SMC6: variants seen among roughly 807,000 people sequenced by gnomAD.
The protein encoded by SMC6 is structural maintenance of chromosomes protein 6.
SMC6 carries 79 observed loss-of-function variants against 142.2 expected under a neutral mutation model. The observed-to-expected ratio is 0.56, with a 90% CI of 0.46 to 0.67. SMC6 has a LOEUF of 0.67. SMC6 is among the 30% of genes least tolerant of loss of function. The pLI, the probability that SMC6 is intolerant of heterozygous loss-of-function variation, is 0.00. For synonymous variants in SMC6, 411 were observed against 412.4 expected (o/e 1.00, Z 0.04); for missense variants, 1,072 against 1,284.0 (o/e 0.83, Z 2.52).
intron 19 of SMC6, among the ~76,000 whole-genome samples, chr2:17,702,555 A>G (rs1668316631): frequency 6.6e-6 from 1 of 152,128 alleles, no homozygotes; most frequent in African/African-American, 2.4e-5. Context: ...TCTGTTAACT[A>G]AGTTTATTAC....
chr2:17,683,652 A>G lies in SMC6; in HGVS notation c.2790T>C (p.Tyr930=). Residue 930 remains tyrosine, a synonymous_variant, in exon 24 of 28, where the codon TAT becomes TAC. Transcript: ENST00000448223. ...GEIMEHRFKT[Y]QQFRRCLTLR... ...AATGTACTTACCTTCTAAATTGTTG[A>G]TATGTCTTGAATCTGTGCTCCATGA... The G allele has an allele frequency of 6.8e-6, 11 of 1,610,794 alleles. No homozygotes were observed. The highest frequency in any genetic ancestry group is 1.7e-4 in the Middle Eastern group (1 of 6,036).
At chr2:17,706,497 A>G (rs959277097) in intron 18 of SMC6, among the ~76,000 whole-genome samples, 1 of 145,852 alleles carries the variant, frequency 6.9e-6, no homozygotes, top group Non-Finnish European at 1.5e-5. Flanking sequence ...CTACACATAC[A>G]AGTCATTTAT....
chr2:17,707,434 G>A, intron 17 of SMC6, 55 bp from the exon 18 acceptor site: 2 of 1,208,348 alleles, frequency 1.7e-6, no homozygotes, highest in South Asian at 2.5e-5. Context: ...TTTTTCTGAT[G>A]TACAGAATTT....
chr2:17,674,509 A>G (rs1666915596), intron 25 of SMC6, among the ~76,000 whole-genome samples: 1 of 151,956 alleles, frequency 6.6e-6, no homozygotes, highest in Non-Finnish European at 1.5e-5. Flanking sequence ...AACAATATAC[A>G]CTCTGTGGTA....
intron 25 of SMC6, among the ~76,000 whole-genome samples, chr2:17,671,595 C>A (rs180912627): frequency 1.9e-5 from 2 of 103,042 alleles, no homozygotes; most frequent in African/African-American, 8.3e-5. Flanking sequence ...GTCGACAGAG[C>A]GAGACCCCGT....
intron 25 of SMC6, among the ~76,000 whole-genome samples, chr2:17,672,164 C>T (rs1666790589): frequency 6.6e-6 from 1 of 152,166 alleles, no homozygotes; most frequent in Non-Finnish European, 1.5e-5. Flanking sequence ...ATCTTGCCCC[C>T]ACACTGTATT....
chr2:17,698,595 T>C (rs1415326621), intron 21 of SMC6, among the ~76,000 whole-genome samples: 5 of 152,108 alleles, frequency 3.3e-5, no homozygotes, highest in Non-Finnish European at 5.9e-5. Flanking sequence ...CCTTTTACTT[T>C]CAACCTGCCT....
chr2:17,722,461 A>C (rs1669419041), intron 9 of SMC6, among the ~76,000 whole-genome samples: 1 of 152,032 alleles, frequency 6.6e-6, no homozygotes, highest in African/African-American at 2.4e-5. Context: ...CCAACTTAAC[A>C]AACAAAACCA....
At chr2:17,690,652 CA>C (rs1489329006) in intron 23 of SMC6, among the ~76,000 whole-genome samples, 2 of 151,532 alleles carry the variant, frequency 1.3e-5, no homozygotes, top group South Asian at 2.1e-4. Context: ...TATATTATCA[CA>C]AAATTAATTT....
chr2:17,735,388 A>C (rs1210313667), intron 5 of SMC6, among the ~76,000 whole-genome samples: 1 of 152,242 alleles, frequency 6.6e-6, no homozygotes, highest in Non-Finnish European at 1.5e-5. Flanking sequence ...CACATCAATG[A>C]GAACAAGGAA....
At chr2:17,704,337 T>C (rs950998517) in intron 18 of SMC6, among the ~76,000 whole-genome samples, 1 of 152,164 alleles carries the variant, frequency 6.6e-6, no homozygotes, top group Non-Finnish European at 1.5e-5. Context: ...TGTTGGTGAA[T>C]AAACGCAACA....
chr2:17,721,217 A>G lies in SMC6; in HGVS notation c.771T>C (p.Arg257=). 1 of 1,611,576 alleles carries G rather than the reference A, an allele frequency of 6.2e-7. No individual in the cohort carries two copies. Among genetic ancestry groups the G allele is most frequent in the African/African-American group, 1.3e-5 (1 of 74,902 alleles). Residue 257 remains arginine (R), a synonymous_variant, in exon 10 of 28, where the codon CGT becomes CGC. Transcript: ENST00000448223. ...TACTTAAACCAGCAATACTTTGAAA[A>G]CGTTCCTCTTTCTCTACACACTGGC... The part of the protein sequence containing the change: ...LKRQCVEKEE[R]FQSIAGLSTM...
chr2:17,665,661 C>T, intron 27 of SMC6, 48 bp from the exon 28 acceptor site: 1 of 1,233,460 alleles, frequency 8.1e-7, no homozygotes, highest in Non-Finnish European at 1.1e-6. Flanking sequence ...AACCTTTTAC[C>T]AATTAAAAAA....
intron 6 of SMC6, 135 bp from the exon 7 acceptor site, chr2:17,731,274 C>A: frequency 1.6e-6 from 1 of 625,624 alleles, no homozygotes; most frequent in Non-Finnish European, 2.8e-6. Flanking sequence ...TGAATACGTA[C>A]AAATATGAAT....
intron 18 of SMC6, 47 bp from the exon 19 acceptor site, chr2:17,703,339 A>G (rs765083723): frequency 2.0e-6 from 3 of 1,521,360 alleles, no homozygotes; most frequent in Non-Finnish European, 2.7e-6. Context: ...TCTTTTTCTC[A>G]ATATTACAAA....
intron 23 of SMC6, among the ~76,000 whole-genome samples, chr2:17,689,525 GAA>G (rs897998994): frequency 3.6e-4 from 55 of 152,056 alleles, no homozygotes; most frequent in Non-Finnish European, 7.5e-4. Flanking sequence ...GAATGGTACA[GAA>G]AAAAAAGTAA....
At chr2:17,698,464 T>C (rs536258860) in intron 21 of SMC6, among the ~76,000 whole-genome samples, 2 of 152,198 alleles carry the variant, frequency 1.3e-5, no homozygotes, top group East Asian at 3.9e-4. Context: ...GAACCTTTTG[T>C]CATTACGTAA....
chr2:17,697,530 A>C (rs1044762512), intron 21 of SMC6, among the ~76,000 whole-genome samples: 2 of 152,102 alleles, frequency 1.3e-5, no homozygotes, highest in African/African-American at 4.8e-5. Context: ...CCCAACTGTA[A>C]AACGGGCAAA....
intron 25 of SMC6, among the ~76,000 whole-genome samples, chr2:17,675,886 A>T (rs1426077392): frequency 6.6e-6 from 1 of 152,044 alleles, no homozygotes; most frequent in Admixed American, 6.6e-5. Context: ...AGGTTTCTGA[A>T]TCTAGATTGA....
Sources: gnomAD v4.1 joint callset for allele counts (sites outside exome capture counted in the v4.1 genomes callset) on GRCh38, gnomAD v4.1.1 for gene constraint, MANE v1.5 for transcripts, NCBI Gene and HGNC (gene_info 2026-07-23, HGNC 2026-07-21) for gene names.